Variants in POU6F2 observed in about 807,000 individuals in gnomAD.
POU6F2 encodes the protein POU class 6 homeobox 2, also known as POU domain, class 6, transcription factor 2.
Under a neutral mutation model 71.3 loss-of-function variants are expected in POU6F2, and 31 were observed. That is an observed-to-expected ratio of 0.43 (90% confidence interval 0.33 to 0.59). The LOEUF is 0.59. Among genes scored for constraint, POU6F2 ranks in the 20% least tolerant of loss-of-function variants. The pLI is 0.04. For missense variants in POU6F2, 783 were observed against 856.8 expected, an observed-to-expected ratio of 0.91 and a Z score of 1.07; for synonymous variants, 347 against 355.7, an observed-to-expected ratio of 0.98 and a Z score of 0.27.
At chr7:39,000,130 G>T (rs1460426109) in intron 1 of POU6F2, among the ~76,000 whole-genome samples, 1 of 152,294 alleles carries the variant, frequency 6.6e-6, no homozygotes, top group African/African-American at 2.4e-5. Context: ...TCAGGGGTCA[G>T]TTAGGGTAAC....
At chr7:39,195,893 C>T (rs1254902889) in intron 2 of POU6F2, among the ~76,000 whole-genome samples, 2 of 152,114 alleles carry the variant, frequency 1.3e-5, no homozygotes, top group Admixed American at 6.5e-5. Context: ...CTCCTCACTT[C>T]GCCCACATCT....
At chr7:39,417,429 C>T (rs1787704191) in intron 6 of POU6F2, among the ~76,000 whole-genome samples, 1 of 152,058 alleles carries the variant, frequency 6.6e-6, no homozygotes, top group African/African-American at 2.4e-5. Flanking sequence ...TTTGAATGAC[C>T]CAATTGAATT....
intron 2 of POU6F2, among the ~76,000 whole-genome samples, chr7:39,099,708 A>G (rs1487142038): frequency 1.3e-5 from 2 of 152,144 alleles, no homozygotes; most frequent in African/African-American, 4.8e-5. Flanking sequence ...TAAAATACCT[A>G]TCTGATGGGA....
At chr7:38,988,042 G>A (rs1788505412) in intron 1 of POU6F2, among the ~76,000 whole-genome samples, 1 of 152,088 alleles carries the variant, frequency 6.6e-6, no homozygotes, top group South Asian at 2.1e-4. Flanking sequence ...TGCAGAGTAT[G>A]GCTTTAATAT....
intron 2 of POU6F2, among the ~76,000 whole-genome samples, chr7:39,138,270 T>C (rs12671657): frequency 0.023 from 3,492 of 152,324 alleles, 61 homozygotes; most frequent in Admixed American, 0.049. Context: ...ACAGTCAGTC[T>C]GTTACATAAT....
intron 5 of POU6F2, among the ~76,000 whole-genome samples, chr7:39,351,588 GTTT>G (rs1244337840): frequency 2.0e-5 from 3 of 152,180 alleles, no homozygotes; most frequent in Non-Finnish European, 4.4e-5. Context: ...GTCTCATCTA[GTTT>G]ATAGTAGGGC....
At chr7:39,259,502 C>CAG (rs1033054771) in intron 4 of POU6F2, among the ~76,000 whole-genome samples, 1 of 152,086 alleles carries the variant, frequency 6.6e-6, no homozygotes, top group Non-Finnish European at 1.5e-5. Flanking sequence ...AAGCGAGAAG[C>CAG]AGAGAGAGCA....
intron 1 of POU6F2, among the ~76,000 whole-genome samples, chr7:39,005,886 A>G (rs1789051123): frequency 6.6e-6 from 1 of 152,228 alleles, no homozygotes. Flanking sequence ...TGCAGCAGTA[A>G]AATGGACATT....
chr7:39,280,059 T>G (rs1784532763), intron 4 of POU6F2, among the ~76,000 whole-genome samples: 2 of 152,136 alleles, frequency 1.3e-5, no homozygotes, highest in Admixed American at 1.3e-4. Context: ...TTTTCCCTTT[T>G]ATTAGGACAT....
chr7:39,310,829 A>T (rs1366805956), intron 4 of POU6F2, among the ~76,000 whole-genome samples: 1 of 152,156 alleles, frequency 6.6e-6, no homozygotes, highest in East Asian at 1.9e-4. Flanking sequence ...CTTGCCTCAG[A>T]GCAGGGGCCC....
intron 2 of POU6F2, among the ~76,000 whole-genome samples, chr7:39,092,776 G>A (rs1040986245): frequency 1.6e-4 from 24 of 152,162 alleles, no homozygotes; most frequent in African/African-American, 5.3e-4. Context: ...ACTCTGTGCT[G>A]TGACACTTTA....
intron 5 of POU6F2, among the ~76,000 whole-genome samples, chr7:39,383,489 C>A (rs1019104094): frequency 5.9e-5 from 9 of 152,156 alleles, no homozygotes; most frequent in African/African-American, 2.2e-4. Flanking sequence ...TTCAGGAGAT[C>A]TAAGACCCCC....
intron 1 of POU6F2, among the ~76,000 whole-genome samples, chr7:39,013,741 ATT>A (rs1789395006): frequency 6.6e-6 from 1 of 152,198 alleles, no homozygotes; most frequent in Non-Finnish European, 1.5e-5. Context: ...TATTAACGGC[ATT>A]TGTCTATAAA....
At chr7:39,097,433 CTGT>C (rs1037450969) in intron 2 of POU6F2, among the ~76,000 whole-genome samples, 1 of 152,192 alleles carries the variant, frequency 6.6e-6, no homozygotes, top group African/African-American at 2.4e-5. Flanking sequence ...CATCAACTCT[CTGT>C]TGTCTCCACT....
At chr7:39,228,990 C>T (rs1794523039) in intron 4 of POU6F2, among the ~76,000 whole-genome samples, 1 of 152,126 alleles carries the variant, frequency 6.6e-6, no homozygotes, top group Admixed American at 6.5e-5. Flanking sequence ...ATTTTTTCCT[C>T]ACCACAAGTA....
chr7:39,065,395 A>C (rs1017191036), intron 1 of POU6F2, among the ~76,000 whole-genome samples: 1 of 151,828 alleles, frequency 6.6e-6, no homozygotes, highest in Admixed American at 6.6e-5. Context: ...ATAACCTTAC[A>C]TTCTCTCATT....
chr7:39,156,289 T>C (rs1792869291), intron 2 of POU6F2, among the ~76,000 whole-genome samples: 1 of 152,234 alleles, frequency 6.6e-6, no homozygotes, highest in South Asian at 2.1e-4. Flanking sequence ...TTAAGTTAGC[T>C]GAATGATCAT....
intron 2 of POU6F2, among the ~76,000 whole-genome samples, chr7:39,123,247 G>GCAA (rs1403734255): frequency 6.6e-6 from 1 of 152,168 alleles, no homozygotes; most frequent in African/African-American, 2.4e-5. Flanking sequence ...TGTATGTAGT[G>GCAA]TGCACTTGCT....
intron 2 of POU6F2, among the ~76,000 whole-genome samples, chr7:39,196,294 G>A (rs1411963151): frequency 6.7e-6 from 1 of 150,006 alleles, no homozygotes; most frequent in East Asian, 1.9e-4. Context: ...CATAGATAAT[G>A]AGTTAGAAAA....
Sources: gnomAD v4.1 joint callset for allele counts (sites outside exome capture counted in the v4.1 genomes callset) on GRCh38, gnomAD v4.1.1 for gene constraint, MANE v1.5 for transcripts, NCBI Gene and HGNC (gene_info 2026-07-23, HGNC 2026-07-21) for gene names.